Variants in MAPK10 observed in about 807,000 individuals in gnomAD.
MAPK10 encodes the protein mitogen-activated protein kinase 10.
MAPK10 carries 25 observed loss-of-function variants against 59.3 expected under a neutral mutation model. The observed-to-expected ratio is 0.42, with a 90% CI of 0.31 to 0.59. The LOEUF (loss-of-function observed/expected upper bound fraction) is 0.59. Among genes scored for constraint, MAPK10 ranks in the 20% least tolerant of loss-of-function variants. The probability of loss-of-function intolerance (pLI) is 0.15; values close to 1 mark genes in which losing one functional copy is unlikely to be tolerated. For missense variants in MAPK10, 351 were observed against 568.9 expected, an observed-to-expected ratio of 0.62 and a Z score of 3.90; for synonymous variants, 190 against 200.5, an observed-to-expected ratio of 0.95 and a Z score of 0.44.
intron 2 of MAPK10, among the ~76,000 whole-genome samples, chr4:86,247,908 TAA>T (rs1420772311): frequency 4.6e-5 from 7 of 152,326 alleles, no homozygotes; most frequent in Admixed American, 2.6e-4. Context: ...TCAAAAAATT[TAA>T]AAGAGACAAT....
intron 4 of MAPK10, among the ~76,000 whole-genome samples, chr4:86,134,627 T>C (rs552460472): frequency 6.6e-6 from 1 of 152,352 alleles, no homozygotes; most frequent in African/African-American, 2.4e-5. Context: ...CTTTTAGTGG[T>C]AATAATTACA....
At chr4:86,339,715 T>G (rs998587702) in intron 2 of MAPK10, among the ~76,000 whole-genome samples, 1 of 152,210 alleles carries the variant, frequency 6.6e-6, no homozygotes, top group African/African-American at 2.4e-5. Context: ...GGCACCTATC[T>G]CTTTGGAGAT....
At chr4:86,279,240 C>A (rs1222530126) in intron 2 of MAPK10, among the ~76,000 whole-genome samples, 1 of 152,130 alleles carries the variant, frequency 6.6e-6, no homozygotes, top group African/African-American at 2.4e-5. Flanking sequence ...ACAAAACACA[C>A]ATTTGATGGC....
intron 1 of MAPK10, among the ~76,000 whole-genome samples, chr4:86,570,270 A>G (rs1206388088): frequency 1.3e-5 from 2 of 152,166 alleles, no homozygotes; most frequent in African/African-American, 2.4e-5. Flanking sequence ...TTGTGACCTA[A>G]GAATGGTTTT....
intron 1 of MAPK10, among the ~76,000 whole-genome samples, chr4:86,465,451 G>C (rs1477281815): frequency 6.6e-6 from 1 of 152,210 alleles, no homozygotes; most frequent in Non-Finnish European, 1.5e-5. Flanking sequence ...AAACAAAAAA[G>C]GGGGAGAAAT....
chr4:86,517,575 T>C (rs1756785464), intron 1 of MAPK10, among the ~76,000 whole-genome samples: 1 of 152,100 alleles, frequency 6.6e-6, no homozygotes, highest in Non-Finnish European at 1.5e-5. Context: ...GCACCCGGCC[T>C]ATTATCTTTT....
intron 1 of MAPK10, among the ~76,000 whole-genome samples, chr4:86,371,726 G>A (rs72868829): frequency 7.1e-4 from 108 of 152,262 alleles, no homozygotes; most frequent in African/African-American, 1.8e-3. Flanking sequence ...TGCAGCCCAC[G>A]GAGGGCAGAC....
At chr4:86,517,031 T>C (rs555913338) in intron 1 of MAPK10, among the ~76,000 whole-genome samples, 1 of 152,300 alleles carries the variant, frequency 6.6e-6, no homozygotes, top group Non-Finnish European at 1.5e-5. Flanking sequence ...CCATTTGTTA[T>C]AAAGTTGTCT....
chr4:86,519,872 G>A (rs1264244152), intron 1 of MAPK10, among the ~76,000 whole-genome samples: 1 of 152,132 alleles, frequency 6.6e-6, no homozygotes, highest in Admixed American at 6.5e-5. Flanking sequence ...CTTCATTTAT[G>A]AAGCTTAGTT....
At chr4:86,217,074 C>T (rs1359671082) in intron 2 of MAPK10, among the ~76,000 whole-genome samples, 1 of 152,120 alleles carries the variant, frequency 6.6e-6, no homozygotes, top group Non-Finnish European at 1.5e-5. Flanking sequence ...TTATACATCT[C>T]ATCCATGAGG....
chr4:86,385,412 T>C lies in MAPK10; in HGVS notation c.-121-30768A>G, dbSNP rs143009654. On this transcript the variant is annotated intron_variant, in intron 1 of 13. Transcript: ENST00000361569. ...TTCCAAAGGAATTCTTTACATGTAG[T>C]GAAATTTCAAAAACACTCTGTGGTT... Among the ~76,000 whole-genome samples the C allele has an allele frequency of 8.0e-4, 122 of 152,264 alleles. 1 individual carries two copies. The highest frequency in any genetic ancestry group is 3.4e-3 in the Middle Eastern group (1 of 294).
At chr4:86,088,181 TTGTC>T (rs2052338953) in intron 9 of MAPK10, among the ~76,000 whole-genome samples, 1 of 152,120 alleles carries the variant, frequency 6.6e-6, no homozygotes, top group Non-Finnish European at 1.5e-5. Flanking sequence ...TTTTGTTTGT[TTGTC>T]TGTTTGTTTA....
At chr4:86,168,402 A>G (rs1345920102) in intron 3 of MAPK10, among the ~76,000 whole-genome samples, 1 of 152,210 alleles carries the variant, frequency 6.6e-6, no homozygotes, top group Non-Finnish European at 1.5e-5. Context: ...GTGCACCAGG[A>G]GATTATATCC....
chr4:86,011,335 T>A lies in MAPK10; in HGVS notation c.*5893A>T, dbSNP rs1741419355. 1 of 152,206 alleles carries A rather than the reference T, an allele frequency of 6.6e-6. No individual in the cohort carries two copies. The highest frequency in any genetic ancestry group is 2.4e-5 in the African/African-American group (1 of 41,444). The allele number at this position is 152,206 out of a possible 1,614,324, so 9.4% of individuals were successfully genotyped here. A position where few individuals can be genotyped will look rare whatever the true frequency, so the allele number is the denominator to read the frequency against. On this transcript the variant is annotated 3_prime_UTR_variant, in exon 14 of 14. Coordinates refer to ENST00000641462, the MANE Select transcript of MAPK10 (RefSeq NM_138982.4). The stretch of plus-strand genomic sequence containing the variant: ...ATCCAAGCATGCCTTTCAACATCTG[T>A]GGAGAAAAGACATGTTACAAATACA...
chr4:86,471,900 ATGT>A (rs1564918162), intron 1 of MAPK10, among the ~76,000 whole-genome samples: 1 of 152,154 alleles, frequency 6.6e-6, no homozygotes, highest in Non-Finnish European at 1.5e-5. Context: ...TAACCCAAAA[ATGT>A]TGTCTTTTAA....
rs61329348 is a variant in MAPK10, at chr4:86,198,302, C to T, written c.-6-3895G>A. On this transcript the variant is annotated intron_variant, in intron 2 of 13. Transcript: ENST00000641462. ...CTGCCCATTACAAAAGATTTGGGTT[C>T]CCTTAGCTTGAGGTTTCTCTTCAGT... Among the ~76,000 whole-genome samples, 9 of 152,148 alleles carry T rather than the reference C, an allele frequency of 5.9e-5. No homozygotes were observed. The South Asian group carries it at 1.9e-3, about 32-fold the overall frequency.
chr4:86,236,800 T>G (rs1350684699), intron 2 of MAPK10, among the ~76,000 whole-genome samples: 1 of 152,050 alleles, frequency 6.6e-6, no homozygotes, highest in African/African-American at 2.4e-5. Flanking sequence ...TGATGAATAA[T>G]AGCATCATCA....
chr4:86,067,403 T>C, intron 10 of MAPK10, among the ~76,000 whole-genome samples: 1 of 152,038 alleles, frequency 6.6e-6, no homozygotes, highest in Non-Finnish European at 1.5e-5. Context: ...GCCTCCGCCT[T>C]CCAAAGTGCT....
At chr4:86,342,858 C>A (rs190893189) in intron 2 of MAPK10, among the ~76,000 whole-genome samples, 1 of 152,262 alleles carries the variant, frequency 6.6e-6, no homozygotes, top group Non-Finnish European at 1.5e-5. Flanking sequence ...ACTGCTCATC[C>A]TGCCTCTCTT....
Sources: allele counts gnomAD v4.1 joint callset (sites outside exome capture counted in the v4.1 genomes callset), GRCh38; gene constraint gnomAD v4.1.1; transcripts MANE v1.5; gene names NCBI Gene and HGNC (gene_info 2026-07-23, HGNC 2026-07-21).